LYPD6B: variants seen among roughly 807,000 people sequenced by gnomAD.
The protein encoded by LYPD6B is LY6/PLAUR domain containing 6B, also known as ly6/PLAUR domain-containing protein 6B.
Under a neutral mutation model 22.8 loss-of-function variants are expected in LYPD6B, and 17 were observed. The observed-to-expected ratio is 0.75, with a 90% CI of 0.51 to 1.12. LYPD6B has a LOEUF of 1.12. Among genes scored for constraint, LYPD6B ranks in the 50% most tolerant of loss-of-function variants. The probability of loss-of-function intolerance (pLI) is 0.00; values close to 1 mark genes in which losing one functional copy is unlikely to be tolerated. For missense variants in LYPD6B, 221 were observed against 258.3 expected (o/e 0.86, Z 0.99); for synonymous variants, 106 against 91.6 (o/e 1.16, Z -0.90).
chr2:149,110,266 C>G (rs1337973393), intron 1 of LYPD6B, among the ~76,000 whole-genome samples: 1 of 151,768 alleles, frequency 6.6e-6, no homozygotes, highest in Non-Finnish European at 1.5e-5. Context: ...AGTTTCAATG[C>G]CTTTGTCTGA....
chr2:149,187,448 G>A (rs928031411), intron 3 of LYPD6B: 20 of 1,530,732 alleles, frequency 1.3e-5, no homozygotes, highest in Non-Finnish European at 1.5e-5. Context: ...TTGTACAGAA[G>A]AAGATGAGAA....
chr2:149,145,726 C>A (rs1688979931), intron 2 of LYPD6B, among the ~76,000 whole-genome samples: 1 of 152,190 alleles, frequency 6.6e-6, no homozygotes, highest in African/African-American at 2.4e-5. Flanking sequence ...TCCTCCACCC[C>A]TCAGAGACTT....
chr2:149,053,598 T>C (rs939619436), intron 1 of LYPD6B, among the ~76,000 whole-genome samples: 1 of 152,220 alleles, frequency 6.6e-6, no homozygotes, highest in African/African-American at 2.4e-5. Flanking sequence ...ACACGTACCA[T>C]AAAATGTACC....
chr2:149,074,259 C>T (rs1041646307), intron 1 of LYPD6B, among the ~76,000 whole-genome samples: 2 of 130,606 alleles, frequency 1.5e-5, no homozygotes, highest in Non-Finnish European at 3.4e-5. Context: ...CATGCATACA[C>T]GCATGCATGC....
intron 3 of LYPD6B, among the ~76,000 whole-genome samples, chr2:149,162,399 A>G (rs1245939167): frequency 6.6e-6 from 1 of 152,170 alleles, no homozygotes; most frequent in Non-Finnish European, 1.5e-5. Context: ...CCAAAGTTAG[A>G]CAAGCTAAAA....
intron 1 of LYPD6B, among the ~76,000 whole-genome samples, chr2:149,082,878 T>C (rs1685200477): frequency 6.6e-6 from 1 of 152,322 alleles, no homozygotes; most frequent in South Asian, 2.1e-4. Context: ...ACAGCCATAA[T>C]TCAGGCCTCC....
At chr2:149,079,504 T>A (rs1009365519) in intron 1 of LYPD6B, among the ~76,000 whole-genome samples, 2 of 152,202 alleles carry the variant, frequency 1.3e-5, no homozygotes, top group Non-Finnish European at 2.9e-5. Flanking sequence ...ACTGCTGTTT[T>A]TGGAAGACAG....
intron 1 of LYPD6B, among the ~76,000 whole-genome samples, chr2:149,070,887 T>C (rs994015983): frequency 1.3e-5 from 2 of 152,228 alleles, no homozygotes; most frequent in Non-Finnish European, 2.9e-5. Flanking sequence ...TAGTAACAGA[T>C]GCAGCCTGAT....
intron 3 of LYPD6B, among the ~76,000 whole-genome samples, chr2:149,194,291 C>A (rs939689979): frequency 1.3e-5 from 2 of 152,132 alleles, no homozygotes; most frequent in Non-Finnish European, 2.9e-5. Flanking sequence ...TGCAACATTG[C>A]CTGTAATACC....
At chr2:149,102,283 G>A (rs1373342733) in intron 1 of LYPD6B, among the ~76,000 whole-genome samples, 1 of 152,208 alleles carries the variant, frequency 6.6e-6, no homozygotes, top group Non-Finnish European at 1.5e-5. Flanking sequence ...TACTGGCACA[G>A]CTGAATTTAG....
chr2:149,213,131 C>CGT lies in LYPD6B; in HGVS notation c.459+20_459+21dup, dbSNP rs56171871. 0.18 allele frequency: 283,291 copies of CGT among 1,604,110 alleles called. 22,283 individuals are homozygous for CGT. Among genetic ancestry groups the CGT allele is most frequent in the South Asian group, 0.21 (18,939 of 90,142 alleles). Reference sequence around the variant, plus strand: ...GAGATTCTGAACATACGGTAAGGATCGTGTGTGTGTGTTATTGTCTAAACT... The same window carrying CGT: ...GAGATTCTGAACATACGGTAAGGATCGTGTGTGTGTGTGTTATTGTCTAAACT... On this transcript the variant is annotated intron_variant, in intron 6 of 6. Transcript: ENST00000409642.
At chr2:149,200,073 C>T (rs1221411604) in intron 3 of LYPD6B, among the ~76,000 whole-genome samples, 5 of 152,190 alleles carry the variant, frequency 3.3e-5, no homozygotes, top group Non-Finnish European at 7.3e-5. Context: ...TGAATTTCCA[C>T]TTTGCCTTCT....
intron 3 of LYPD6B, among the ~76,000 whole-genome samples, chr2:149,178,478 A>C (rs1013731321): frequency 4.0e-5 from 6 of 151,768 alleles, no homozygotes; most frequent in African/African-American, 1.5e-4. Flanking sequence ...CTGTCCTTTC[A>C]GCTGACAACA....
Position 149,125,669 on chromosome 2 carries a change from C to G in LYPD6B, c.-66-5214C>G, listed in dbSNP as rs114668860. Among the ~76,000 whole-genome samples, 1,125 of 152,228 alleles carry G rather than the reference C, an allele frequency of 7.4e-3. 17 individuals are homozygous for G. Among genetic ancestry groups the G allele is most frequent in the African/African-American group, 0.026 (1,078 of 41,542 alleles). On this transcript the variant is annotated intron_variant, in intron 1 of 6. Transcript: ENST00000409642. ...TCAGGCATCTTCGAGTACCTTAACT[C>G]CAATCACTCTCTCTTGAATTATATG...
At chr2:149,153,076 G>T (rs1412471453) in intron 2 of LYPD6B, among the ~76,000 whole-genome samples, 1 of 152,184 alleles carries the variant, frequency 6.6e-6, no homozygotes, top group Non-Finnish European at 1.5e-5. Flanking sequence ...TTAAAAGGAG[G>T]AATCCAGTGT....
chr2:149,112,949 A>T (rs962178629), intron 1 of LYPD6B, among the ~76,000 whole-genome samples: 10 of 152,146 alleles, frequency 6.6e-5, no homozygotes, highest in African/African-American at 2.2e-4. Context: ...ACACCAGGTG[A>T]TATGTATTTT....
chr2:149,204,870 A>G (rs149844465), intron 3 of LYPD6B: 232 of 169,470 alleles, frequency 1.4e-3, no homozygotes, highest in African/African-American at 5.2e-3. Context: ...TGGTCCAGTG[A>G]CTTTGGCTCA....
chr2:149,091,548 G>T (rs1402246456), intron 1 of LYPD6B, among the ~76,000 whole-genome samples: 1 of 151,696 alleles, frequency 6.6e-6, no homozygotes, highest in African/African-American at 2.4e-5. Flanking sequence ...TTCTGAGTAG[G>T]ACAAATCCAA....
chr2:149,189,342 T>TTATATATATATATA (rs770703554), intron 3 of LYPD6B, among the ~76,000 whole-genome samples: 5,015 of 64,426 alleles, frequency 0.078, 351 homozygotes, highest in Non-Finnish European at 0.099. Context: ...TTGTCCAAAA[T>TTATATATATATATA]TATATATATA....
Sources: allele counts gnomAD v4.1 joint callset (sites outside exome capture counted in the v4.1 genomes callset), GRCh38; gene constraint gnomAD v4.1.1; transcripts MANE v1.5; gene names NCBI Gene and HGNC (gene_info 2026-07-23, HGNC 2026-07-21).